The following SHISA9 variants were observed in gnomAD, a reference collection of about 807,000 sequenced individuals.
The protein encoded by SHISA9 is protein shisa-9.
Under a neutral mutation model 38.0 loss-of-function variants are expected in SHISA9, and 13 were observed. The observed-to-expected ratio is 0.34, with a 90% confidence interval of 0.22 to 0.54. The LOEUF is 0.54. SHISA9 is among the 20% of genes least tolerant of loss of function. The pLI is 0.91. For missense variants in SHISA9, 538 were observed against 575.8 expected (o/e 0.93, Z 0.67); for synonymous variants, 275 against 242.0 (o/e 1.14, Z -1.27).
the SHISA9 span, among the ~76,000 whole-genome samples, chr16:13,525,384 G>C: frequency 6.6e-6 from 1 of 152,132 alleles, no homozygotes; most frequent in African/African-American, 2.4e-5. Context: ...AAAAGCTGCA[G>C]TTACATTAAA....
At chr16:13,548,331 A>C in the SHISA9 span, among the ~76,000 whole-genome samples, 1 of 152,350 alleles carries the variant, frequency 6.6e-6, no homozygotes, top group Middle Eastern at 3.4e-3. Context: ...CCTAAAAAGC[A>C]TAGGCAATGG....
chr16:13,313,080 C>T, the SHISA9 span, among the ~76,000 whole-genome samples: 1 of 150,648 alleles, frequency 6.6e-6, no homozygotes, highest in African/African-American at 2.4e-5. Context: ...ACGGTGAAAC[C>T]CCGTCTCTAC....
intron 2 of SHISA9, among the ~76,000 whole-genome samples, chr16:13,172,800 A>C (rs2050698378): frequency 6.8e-6 from 1 of 147,352 alleles, no homozygotes; most frequent in Admixed American, 6.9e-5. Context: ...GGGCCACGAG[A>C]GAGGAGGCGG....
chr16:13,037,480 A>T, intron 2 of SHISA9, among the ~76,000 whole-genome samples: 1 of 151,850 alleles, frequency 6.6e-6, no homozygotes, highest in South Asian at 2.1e-4. Context: ...AGTGAGGGAG[A>T]GTGCAAGTTA....
the SHISA9 span, among the ~76,000 whole-genome samples, chr16:13,376,119 C>G: frequency 6.6e-6 from 1 of 152,112 alleles, no homozygotes; most frequent in Non-Finnish European, 1.5e-5. Context: ...AATGAAATAC[C>G]ACACAATGAC....
At chr16:13,522,251 G>A in the SHISA9 span, among the ~76,000 whole-genome samples, 74 of 152,332 alleles carry the variant, frequency 4.9e-4, no homozygotes, top group East Asian at 0.013. Flanking sequence ...AGATGCAAAG[G>A]CAGAAAGAAG....
chr16:13,229,046 G>A (rs2051306146), intron 4 of SHISA9, among the ~76,000 whole-genome samples: 1 of 152,190 alleles, frequency 6.6e-6, no homozygotes, highest in African/African-American at 2.4e-5. Flanking sequence ...TGGAATCCTA[G>A]CTACTTGGGA....
chr16:13,233,438 C>A (rs1328281560), intron 4 of SHISA9, among the ~76,000 whole-genome samples: 1 of 152,184 alleles, frequency 6.6e-6, no homozygotes, highest in African/African-American at 2.4e-5. Flanking sequence ...TGTTTATACT[C>A]TTTGGCCAAA....
chr16:13,353,399 A>G, the SHISA9 span, among the ~76,000 whole-genome samples: 1 of 152,192 alleles, frequency 6.6e-6, no homozygotes, highest in Non-Finnish European at 1.5e-5. Context: ...TCCTGCCAGC[A>G]AAGATCATTT....
the SHISA9 span, among the ~76,000 whole-genome samples, chr16:13,262,039 A>T: frequency 6.6e-6 from 1 of 152,236 alleles, no homozygotes; most frequent in Non-Finnish European, 1.5e-5. Flanking sequence ...TAACATAGAC[A>T]TTAATTAAAT....
chr16:13,019,688 G>A (rs12935487), intron 2 of SHISA9, among the ~76,000 whole-genome samples: 32,953 of 151,190 alleles, frequency 0.22, 3,842 homozygotes, highest in East Asian at 0.43. Context: ...GGGGTTTGTC[G>A]TATAGATTAC....
intron 2 of SHISA9, among the ~76,000 whole-genome samples, chr16:13,177,680 GTTTT>G (rs1253292651): frequency 6.6e-6 from 1 of 151,848 alleles, no homozygotes; most frequent in African/African-American, 2.4e-5. Context: ...TTGTTTGTTT[GTTTT>G]GTTGAGACAG....
At chr16:13,145,157 G>C (rs1163107380) in intron 2 of SHISA9, among the ~76,000 whole-genome samples, 1 of 152,136 alleles carries the variant, frequency 6.6e-6, no homozygotes, top group Non-Finnish European at 1.5e-5. Context: ...CTCCCGAAAC[G>C]ACAGGAGCAC....
intron 1 of SHISA9, among the ~76,000 whole-genome samples, chr16:12,916,351 C>T (rs76629959): frequency 0.025 from 3,825 of 152,152 alleles, 67 homozygotes; most frequent in Middle Eastern, 0.048. Flanking sequence ...GAGTTTGTAT[C>T]TAGTGTTAGA....
the SHISA9 span, among the ~76,000 whole-genome samples, chr16:13,305,929 A>G: frequency 1.3e-3 from 193 of 152,342 alleles, no homozygotes; most frequent in African/African-American, 4.0e-3. Flanking sequence ...CCCTTTCTAG[A>G]GACAGGGGAG....
At chr16:13,087,649 C>G (rs534305465) in intron 2 of SHISA9, among the ~76,000 whole-genome samples, 8 of 152,274 alleles carry the variant, frequency 5.3e-5, no homozygotes, top group African/African-American at 1.9e-4. Context: ...TGTTCATATC[C>G]TTTGCCCACT....
chr16:13,014,430 C>T (rs180730267), intron 2 of SHISA9, among the ~76,000 whole-genome samples: 1 of 152,186 alleles, frequency 6.6e-6, no homozygotes. Flanking sequence ...TTGGGAAGGG[C>T]TGCTAGGAGG....
the SHISA9 span, among the ~76,000 whole-genome samples, chr16:13,247,201 A>G: frequency 3.9e-5 from 6 of 152,224 alleles, no homozygotes; most frequent in African/African-American, 1.4e-4. Flanking sequence ...CTCACTCACT[A>G]TCATGAGAAC....
chr16:13,491,817 CCTTTTTTTTTTTT>C, the SHISA9 span, among the ~76,000 whole-genome samples: 14,050 of 46,714 alleles, frequency 0.3, 2,540 homozygotes, highest in Non-Finnish European at 0.37. Context: ...TATTTATTGA[CCTTTTTTTTTTTT>C]TTTTTTTTTT....
Sources: allele counts gnomAD v4.1 joint callset (sites outside exome capture counted in the v4.1 genomes callset), GRCh38; gene constraint gnomAD v4.1.1; transcripts MANE v1.5; gene names NCBI Gene and HGNC (gene_info 2026-07-23, HGNC 2026-07-21).